C1orf159: variants seen among roughly 807,000 people sequenced by gnomAD.
C1orf159 encodes uncharacterized protein C1orf159.
Under a neutral mutation model 25.6 loss-of-function variants are expected in C1orf159, and 19 were observed. That is an observed-to-expected ratio of 0.74 (90% confidence interval 0.52 to 1.09). The LOEUF (loss-of-function observed/expected upper bound fraction) is 1.09, where lower values mean the gene tolerates loss of function less well. Ranked by LOEUF, C1orf159 falls within the 50% of genes least tolerant of loss-of-function variation. The pLI, the probability that C1orf159 is intolerant of heterozygous loss-of-function variation, is 0.00. For missense variants in C1orf159, 274 were observed against 290.6 expected, an observed-to-expected ratio of 0.94 and a Z score of 0.42; for synonymous variants, 139 against 124.7, an observed-to-expected ratio of 1.12 and a Z score of -0.77.
intron 1 of C1orf159, among the ~76,000 whole-genome samples, chr1:1,107,294 G>C (rs1049648933): frequency 6.6e-6 from 1 of 152,202 alleles, no homozygotes; most frequent in Admixed American, 6.5e-5. Context: ...TCAGCACTCC[G>C]TGTCTAGCTC....
At chr1:1,102,086 A>C (rs894766450) in intron 1 of C1orf159, among the ~76,000 whole-genome samples, 17 of 151,000 alleles carry the variant, frequency 1.1e-4, no homozygotes, top group Admixed American at 4.6e-4. Flanking sequence ...AAAAAAAAAA[A>C]AAAAAAAAAA....
intron 1 of C1orf159, among the ~76,000 whole-genome samples, chr1:1,108,235 CA>C (rs879229368): frequency 0.13 from 15,165 of 116,002 alleles, 1,830 homozygotes; most frequent in African/African-American, 0.28. Context: ...CATGTCTCAG[CA>C]GCACCGTTCA....
intron 1 of C1orf159, among the ~76,000 whole-genome samples, chr1:1,108,361 ACTGTTCACCACAGCCACCATGTCTCG>A (rs1333554253): frequency 5.6e-5 from 7 of 125,156 alleles, no homozygotes; most frequent in East Asian, 2.3e-4. Flanking sequence ...ATGTCTTGGC[ACTGTTCACCACAGCCACCATGTCTCG>A]GCACCGTTCA....
intron 9 of C1orf159, chr1:1,083,529 C>T: frequency 8.2e-6 from 2 of 245,184 alleles, no homozygotes; most frequent in South Asian, 1.2e-4. Context: ...GCCACAGATG[C>T]CTGAGCCGGC....
At chr1:1,101,687 T>C (rs966362803) in intron 1 of C1orf159, among the ~76,000 whole-genome samples, 3 of 152,124 alleles carry the variant, frequency 2.0e-5, no homozygotes, top group Non-Finnish European at 4.4e-5. Context: ...GCTCATGGTT[T>C]ATCAGCTCAG....
In C1orf159 at chr1:1,099,241, CA is replaced by C. The variant is rs1646056119; in HGVS notation, c.-135-7139del. ...GTTTTTGGTCTATTGTTCTAAGAATCAGAGAGAGAGAGAGGTTAAAATCTCC... is the reference window on the plus strand; with the variant it reads ...GTTTTTGGTCTATTGTTCTAAGAATCGAGAGAGAGAGAGGTTAAAATCTCC... On this transcript the variant is annotated intron_variant, in intron 1 of 9. Coordinates refer to ENST00000421241, the MANE Select transcript of C1orf159 (RefSeq NM_017891.5). Among the ~76,000 whole-genome samples, 12 of 80,448 alleles carry C rather than the reference CA, an allele frequency of 1.5e-4. No homozygotes were observed. In the South Asian group the frequency reaches 3.9e-3, roughly 26 times the overall value. The allele number at this position is 80,448 out of a possible 152,430, so 52.8% of individuals were successfully genotyped here.
At chr1:1,099,433 C>T (rs201853367) in intron 1 of C1orf159, among the ~76,000 whole-genome samples, 27 of 84,352 alleles carry the variant, frequency 3.2e-4, no homozygotes, top group Non-Finnish European at 4.4e-4. Flanking sequence ...TATGATTGTG[C>T]GTTGTCTATT....
rs559612627 is a variant in C1orf159, at chr1:1,085,714, G to A, written c.445+164C>T. Among the ~76,000 whole-genome samples the A allele has an allele frequency of 1.6e-3, 244 of 152,318 alleles. No individual in the cohort carries two copies. The highest frequency in any genetic ancestry group is 5.3e-3 in the African/African-American group (221 of 41,564). On this transcript the variant is annotated intron_variant, in intron 7 of 9. Coordinates refer to ENST00000421241, the MANE Select transcript of C1orf159 (RefSeq NM_017891.5). Reference sequence around the variant, plus strand: ...CACGGCTGTTTCCGGGAAGTGACGGGCCTTCTCACACCGGGACCCAAAAGC... The same window carrying A: ...CACGGCTGTTTCCGGGAAGTGACGGACCTTCTCACACCGGGACCCAAAAGC...
At chr1:1,091,374 C>T in intron 3 of C1orf159, 98 bp downstream of exon 3, 2 of 1,161,402 alleles carry the variant, frequency 1.7e-6, no homozygotes, top group South Asian at 1.4e-5. Flanking sequence ...ACATCAGTGT[C>T]CTAAAGGTGG....
rs534514909 is a variant in C1orf159 at position 1,109,579 on chromosome 1, G to A, written c.-136+6481C>T. ...ACTCCTGGGCTCAAGCAACTCTCCC[G>A]CCTCAGCCTCCCAAGTAGCTAGGAC... is the stretch of plus-strand genomic sequence containing the variant. On this transcript the variant is annotated intron_variant, in intron 1 of 9. Transcript: ENST00000421241. 1.1e-4 allele frequency among the ~76,000 whole-genome samples: 17 copies of A among 151,770 alleles called. 1 individual carries two copies. The highest frequency in any genetic ancestry group is 2.2e-4 in the African/African-American group (9 of 41,366).
In C1orf159 at chr1:1,090,438, A is replaced by G; in HGVS notation, c.73-10T>C. 1 of 1,550,256 alleles carries G rather than the reference A, an allele frequency of 6.5e-7. No homozygotes were observed. On this transcript the variant is annotated splice_polypyrimidine_tract_variant and intron_variant, in intron 3 of 9. Transcript: ENST00000421241. ...ACTCGGGCAGCTGGGCCTGGAGGGG[A>G]CACGGCAGTGAAACTCCAGGACGCG...
At chr1:1,098,910 C>G (rs984537672) in intron 1 of C1orf159, among the ~76,000 whole-genome samples, 2 of 152,210 alleles carry the variant, frequency 1.3e-5, no homozygotes, top group African/African-American at 4.8e-5. Context: ...CCATGTGCAG[C>G]CTGATATGTG....
At chr1:1,098,368 C>A (rs189117362) in intron 1 of C1orf159, among the ~76,000 whole-genome samples, 115 of 152,318 alleles carry the variant, frequency 7.5e-4, no homozygotes, top group Non-Finnish European at 1.3e-3. Flanking sequence ...TGCGCCTGGC[C>A]CCAGCCTGGA....
chr1:1,083,353 A>T (rs1234718372), intron 9 of C1orf159: 1 of 232,608 alleles, frequency 4.3e-6, no homozygotes, highest in Non-Finnish European at 8.4e-6. Flanking sequence ...TATTTAGAAG[A>T]AGGGGCTTTG....
chr1:1,091,350 C>G, intron 3 of C1orf159, 122 bp downstream of exon 3: 1 of 982,608 alleles, frequency 1.0e-6, no homozygotes, highest in Non-Finnish European at 1.6e-6. Context: ...CTGGTCAGCA[C>G]CTCTGGGGCT....
chr1:1,115,066 C>G (rs1464499956), intron 1 of C1orf159: 1 of 152,126 alleles, frequency 6.6e-6, no homozygotes, highest in African/African-American at 2.4e-5. Context: ...CTCTGCACAC[C>G]CTGGTAATAC....
At chr1:1,115,429 C>T (rs1646321437) in intron 1 of C1orf159, among the ~76,000 whole-genome samples, 1 of 152,086 alleles carries the variant, frequency 6.6e-6, no homozygotes, top group Admixed American at 6.5e-5. Context: ...CTCCCGGCTG[C>T]CGGGAAGGCG....
At position 1,089,544 on chromosome 1, in the gene C1orf159, G is replaced by A. The variant is rs990411554; in HGVS notation, c.148+809C>T. On this transcript the variant is annotated intron_variant, in intron 4 of 9. Coordinates refer to ENST00000421241, the MANE Select transcript of C1orf159 (RefSeq NM_017891.5). This position sits in a 1 kb window ranked among gnomAD's most constrained non-coding sequence, Gnocchi z 7.5. ...CTCCCCAACCCCCACGCCCAGCCTC[G>A]GACCCCCGCGCCCAGCCTCACTGGC... 2.0e-5 allele frequency among the ~76,000 whole-genome samples: 3 copies of A among 151,836 alleles called. No individual in the cohort carries two copies. Among genetic ancestry groups the A allele is most frequent in the African/African-American group, 7.3e-5 (3 of 41,300 alleles).
intron 6 of C1orf159, 148 bp downstream of exon 6, chr1:1,086,991 G>A: frequency 1.3e-6 from 1 of 755,870 alleles, no homozygotes; most frequent in Non-Finnish European, 2.1e-6. Flanking sequence ...CTGACCCCAA[G>A]CTGCAGGGGC....
Sources: gnomAD v4.1 joint callset for allele counts (sites outside exome capture counted in the v4.1 genomes callset) on GRCh38, gnomAD v4.1.1 for gene constraint, Gnocchi (gnomAD v3.1) non-coding constraint, MANE v1.5 for transcripts, NCBI Gene and HGNC (gene_info 2026-07-23, HGNC 2026-07-21) for gene names.